TOP6BL: variants seen among roughly 807,000 people sequenced by gnomAD.
TOP6BL encodes type 2 DNA topoisomerase 6 subunit B-like.
the TOP6BL span, among the ~76,000 whole-genome samples, chr11:66,814,685 T>C: frequency 2.6e-5 from 4 of 152,318 alleles, no homozygotes; most frequent in African/African-American, 9.6e-5. Context: ...ACTCTGGGCC[T>C]TTACAAAGGT....
the TOP6BL span, among the ~76,000 whole-genome samples, chr11:66,772,491 G>A: frequency 2.6e-4 from 39 of 151,590 alleles, 1 homozygote; most frequent in African/African-American, 8.5e-4. Flanking sequence ...AATCTTGGCC[G>A]GGCACCGTGG....
the TOP6BL span, chr11:66,748,662 T>G: frequency 1.2e-5 from 8 of 663,882 alleles, no homozygotes; most frequent in Non-Finnish European, 1.9e-5. Flanking sequence ...GTAATAAGTG[T>G]CTGGTGGTAG....
At chr11:66,807,209 A>C in the TOP6BL span, among the ~76,000 whole-genome samples, 47 of 152,326 alleles carry the variant, frequency 3.1e-4, no homozygotes, top group East Asian at 6.6e-3. Context: ...TTACTTTCTG[A>C]AAGTGGCAAA....
chr11:66,842,950 G>T, the TOP6BL span: 1 of 1,552,736 alleles, frequency 6.4e-7, no homozygotes, highest in Non-Finnish European at 8.7e-7. Context: ...CCCGTCAGAG[G>T]CCGCCCCGCG....
the TOP6BL span, among the ~76,000 whole-genome samples, chr11:66,806,760 T>TA: frequency 1.0e-4 from 15 of 150,064 alleles, no homozygotes; most frequent in Non-Finnish European, 1.8e-4. Context: ...TGTCTCAAAA[T>TA]AAAAAAAAAG....
At chr11:66,817,732 A>G in the TOP6BL span, among the ~76,000 whole-genome samples, 2 of 151,958 alleles carry the variant, frequency 1.3e-5, no homozygotes, top group Non-Finnish European at 2.9e-5. Flanking sequence ...CCACCACACC[A>G]GGCCATTATT....
At chr11:66,808,842 C>G in the TOP6BL span, among the ~76,000 whole-genome samples, 2 of 152,060 alleles carry the variant, frequency 1.3e-5, no homozygotes, top group Non-Finnish European at 2.9e-5. Context: ...GTAAAACTGT[C>G]TAATGTATAT....
chr11:66,808,070 A>C, the TOP6BL span, among the ~76,000 whole-genome samples: 1 of 152,250 alleles, frequency 6.6e-6, no homozygotes, highest in Non-Finnish European at 1.5e-5. Context: ...CAATTATTTA[A>C]CACTTTTTCA....
At chr11:66,823,061 A>G in the TOP6BL span, among the ~76,000 whole-genome samples, 1 of 151,760 alleles carries the variant, frequency 6.6e-6, no homozygotes, top group Admixed American at 6.6e-5. Flanking sequence ...TTGGGAGGCC[A>G]AGGCGGGTGG....
At chr11:66,837,875 G>GT in the TOP6BL span, among the ~76,000 whole-genome samples, 1 of 152,284 alleles carries the variant, frequency 6.6e-6, no homozygotes, top group African/African-American at 2.4e-5. Context: ...GAACTAACCA[G>GT]TGTGGCAGGG....
chr11:66,800,186 A>G, the TOP6BL span, among the ~76,000 whole-genome samples: 191 of 152,330 alleles, frequency 1.3e-3, no homozygotes, highest in African/African-American at 4.4e-3. Context: ...GAAAAAGTCA[A>G]ACTCATAGTA....
the TOP6BL span, chr11:66,744,858 C>A: frequency 6.9e-6 from 9 of 1,313,778 alleles, no homozygotes; most frequent in Non-Finnish European, 7.8e-6. Context: ...GGGTACCCTT[C>A]GACTGGGCGT....
At chr11:66,753,812 C>T in the TOP6BL span, among the ~76,000 whole-genome samples, 1 of 152,156 alleles carries the variant, frequency 6.6e-6, no homozygotes, top group African/African-American at 2.4e-5. Context: ...TCAAGTGATT[C>T]TCCTGCCTCA....
chr11:66,798,096 A>C, the TOP6BL span, among the ~76,000 whole-genome samples: 2 of 152,190 alleles, frequency 1.3e-5, no homozygotes, highest in Non-Finnish European at 2.9e-5. Flanking sequence ...TCAGGATTTG[A>C]ACTCAGGCAG....
the TOP6BL span, among the ~76,000 whole-genome samples, chr11:66,823,832 A>G: frequency 6.6e-6 from 1 of 152,050 alleles, no homozygotes; most frequent in Non-Finnish European, 1.5e-5. Context: ...AGAATAAGAA[A>G]AAAAGAACAG....
chr11:66,759,046 C>T, the TOP6BL span: 11 of 1,565,696 alleles, frequency 7.0e-6, no homozygotes, highest in African/African-American at 1.3e-5. Flanking sequence ...CTTACAGTTG[C>T]TTCTGCAGGA....
chr11:66,808,299 C>A, the TOP6BL span, among the ~76,000 whole-genome samples: 2 of 152,130 alleles, frequency 1.3e-5, no homozygotes, highest in Admixed American at 1.3e-4. Context: ...CTTTGGGAGG[C>A]TGAGGCAGGA....
At chr11:66,803,450 A>C in the TOP6BL span, among the ~76,000 whole-genome samples, 1 of 152,150 alleles carries the variant, frequency 6.6e-6, no homozygotes, top group Non-Finnish European at 1.5e-5. Context: ...ATTTTTCGAG[A>C]CAAAGTCTCG....
the TOP6BL span, among the ~76,000 whole-genome samples, chr11:66,746,141 A>G: frequency 6.6e-6 from 1 of 152,162 alleles, no homozygotes; most frequent in Non-Finnish European, 1.5e-5. Context: ...GGACGTGTGA[A>G]GGAATAGTTA....
Sources: gnomAD v4.1 joint callset for allele counts (sites outside exome capture counted in the v4.1 genomes callset) on GRCh38, gnomAD v4.1.1 for gene constraint, MANE v1.5 for transcripts, NCBI Gene and HGNC (gene_info 2026-07-23, HGNC 2026-07-21) for gene names.